EFR3B: variants seen among roughly 807,000 people sequenced by gnomAD.
EFR3B encodes the protein protein EFR3 homolog B.
In EFR3B, 64 loss-of-function variants were observed where a neutral mutation model predicts 104.7. The observed-to-expected ratio is 0.61, with a 90% CI of 0.50 to 0.75. The LOEUF is 0.75. EFR3B is among the 30% of genes least tolerant of loss of function. The pLI is 0.00. For missense variants in EFR3B, 750 were observed against 1,078.5 expected (o/e 0.70, Z 4.27); for synonymous variants, 385 against 417.9 (o/e 0.92, Z 0.96).
At position 25,153,735 on chromosome 2, in the gene EFR3B, C is replaced by T. The variant is rs1383053265; in HGVS notation, c.2322C>T (p.Leu774=). The T allele has an allele frequency of 1.9e-6, 3 of 1,551,668 alleles. No homozygotes were observed. The highest frequency in any genetic ancestry group is 2.6e-6 in the Non-Finnish European group (3 of 1,146,990). Residue 774 remains leucine, a synonymous_variant, in exon 22 of 23, where the codon CTC becomes CTT. Transcript: ENST00000403714. ...AGGCATCGCTGCTCCAGAGCAAACT[C>T]AATCAGATCTTTGAAATCACCATCC... The part of the protein sequence containing the change: ...GARASLLQSK[L]NQIFEITIRP...
intron 1 of EFR3B, among the ~76,000 whole-genome samples, chr2:25,089,419 T>A (rs1669051672): frequency 6.6e-6 from 1 of 152,260 alleles, no homozygotes; most frequent in East Asian, 1.9e-4. Flanking sequence ...GACACTACAA[T>A]TTTTTTAGTC....
chr2:25,055,406 G>A (rs945546707), intron 1 of EFR3B, among the ~76,000 whole-genome samples: 5 of 152,166 alleles, frequency 3.3e-5, no homozygotes, highest in African/African-American at 1.2e-4. Context: ...GTACTCTATA[G>A]TATGTCCTTT....
Position 25,131,919 on chromosome 2 carries a change from G to A in EFR3B, c.1147+8G>A, listed in dbSNP as rs1163343724. On this transcript the variant is annotated splice_region_variant and intron_variant, in intron 10 of 22. Coordinates refer to ENST00000403714, the MANE Select transcript of EFR3B (RefSeq NM_014971.2). The surrounding 1 kb of genome is among the most constrained non-coding windows in gnomAD (Gnocchi z 7.6). ...CCGTCATCAAGACCGTGGGTGCGGCGCGGGGCCGGGCCGGGGCGGGGCGGG... is the reference window on the plus strand; with the variant it reads ...CCGTCATCAAGACCGTGGGTGCGGCACGGGGCCGGGCCGGGGCGGGGCGGG... 13 of 1,495,520 alleles carry A rather than the reference G, an allele frequency of 8.7e-6. No homozygotes were observed. In the South Asian group the frequency reaches 1.0e-4, roughly 12 times the overall value. The allele number at this position is 1,495,520 out of a possible 1,614,324, so 92.6% of individuals were successfully genotyped here. A position where few individuals can be genotyped will look rare whatever the true frequency, so the allele number is the denominator to read the frequency against.
intron 4 of EFR3B, among the ~76,000 whole-genome samples, chr2:25,111,482 CG>C (rs1669724575): frequency 6.6e-6 from 1 of 152,156 alleles, no homozygotes; most frequent in Non-Finnish European, 1.5e-5. Flanking sequence ...CTCTTCCCAC[CG>C]GATGTGCCCT....
intron 1 of EFR3B, among the ~76,000 whole-genome samples, chr2:25,043,376 G>A (rs1288490022): frequency 1.3e-5 from 2 of 152,200 alleles, no homozygotes; most frequent in Non-Finnish European, 2.9e-5. Context: ...GAGGCTGCTC[G>A]GCTGCTCAGC....
intron 4 of EFR3B, among the ~76,000 whole-genome samples, chr2:25,118,929 G>T (rs1669941593): frequency 6.6e-6 from 1 of 152,164 alleles, no homozygotes; most frequent in East Asian, 1.9e-4. Flanking sequence ...TACTAGGGAG[G>T]CTGAGGTGGG....
At chr2:25,089,283 G>A (rs1016238604) in intron 1 of EFR3B, among the ~76,000 whole-genome samples, 2 of 152,268 alleles carry the variant, frequency 1.3e-5, no homozygotes, top group Admixed American at 6.5e-5. Flanking sequence ...AGTTTCTACC[G>A]TGAGTACCCA....
chr2:25,144,457 T>C (rs1226300755), intron 18 of EFR3B, among the ~76,000 whole-genome samples: 2 of 152,156 alleles, frequency 1.3e-5, no homozygotes, highest in East Asian at 1.9e-4. Context: ...AACAGGAGAA[T>C]TGCTTGAACC....
At chr2:25,080,758 C>A in intron 1 of EFR3B, 3 of 1,284,592 alleles carry the variant, frequency 2.3e-6, no homozygotes, top group South Asian at 2.5e-5. Context: ...TTTCTTTTGG[C>A]GTTAGGCTGA....
At chr2:25,110,817 C>T (rs963603158) in intron 4 of EFR3B, among the ~76,000 whole-genome samples, 1 of 152,176 alleles carries the variant, frequency 6.6e-6, no homozygotes, top group Non-Finnish European at 1.5e-5. Context: ...CTAATTTTCC[C>T]CCGTTGTCTG....
chr2:25,068,378 C>T (rs913959485), intron 1 of EFR3B, among the ~76,000 whole-genome samples: 3 of 152,154 alleles, frequency 2.0e-5, no homozygotes, highest in Non-Finnish European at 2.9e-5. Context: ...CAATTTGAAG[C>T]TGACAGACAT....
chr2:25,143,660 TAA>T (rs1298994922), intron 17 of EFR3B, 73 bp from the exon 18 acceptor site: 33 of 1,157,894 alleles, frequency 2.9e-5, no homozygotes, highest in South Asian at 6.6e-5. Flanking sequence ...AACCCTGTCT[TAA>T]AAAAAAAAAT....
chr2:25,057,028 C>T (rs1668040040), intron 1 of EFR3B, among the ~76,000 whole-genome samples: 1 of 152,186 alleles, frequency 6.6e-6, no homozygotes, highest in East Asian at 1.9e-4. Flanking sequence ...TTCTGTCCTG[C>T]AGCTGAGGCA....
chr2:25,148,190 C>T (rs973414953), intron 19 of EFR3B, among the ~76,000 whole-genome samples: 20 of 151,712 alleles, frequency 1.3e-4, no homozygotes, highest in Non-Finnish European at 5.9e-5. Context: ...CTTTTATAGG[C>T]TCTGCAGAGG....
At chr2:25,106,932 GT>G (rs1437362705) in intron 4 of EFR3B, among the ~76,000 whole-genome samples, 1 of 152,198 alleles carries the variant, frequency 6.6e-6, no homozygotes, top group Non-Finnish European at 1.5e-5. Context: ...TGGATAAAAG[GT>G]TTTGCTGCCA....
At chr2:25,058,113 G>C (rs1182152548) in intron 1 of EFR3B, 1 of 152,178 alleles carries the variant, frequency 6.6e-6, no homozygotes, top group South Asian at 2.1e-4. Flanking sequence ...GGAGTTCTGG[G>C]CTGTAGTTCA....
rs1669817302 is a variant in EFR3B at position 25,114,901 on chromosome 2, C to A, written c.364-6772C>A. 6.6e-6 allele frequency among the ~76,000 whole-genome samples: 1 copy of A among 152,150 alleles called. No individual in the cohort carries two copies. Among genetic ancestry groups the A allele is most frequent in the Non-Finnish European group, 1.5e-5 (1 of 68,022 alleles). ...GAGCGGGCACTTAAGGATGCAGGTA[C>A]CTGGCCGGGCGCAGTGGCTGACGCC... is the stretch of plus-strand genomic sequence containing the variant. On this transcript the variant is annotated intron_variant, in intron 4 of 22. Transcript: ENST00000403714. The surrounding 1 kb of genome is among the most constrained non-coding windows in gnomAD (Gnocchi z 4.0).
At chr2:25,081,512 T>G in intron 1 of EFR3B, 1 of 1,236,960 alleles carries the variant, frequency 8.1e-7, no homozygotes, top group Non-Finnish European at 1.2e-6. Flanking sequence ...AATTCCATAC[T>G]CATGTATTCA....
At chr2:25,080,994 T>C (rs1356123287) in intron 1 of EFR3B, 5 of 757,358 alleles carry the variant, frequency 6.6e-6, no homozygotes, top group Non-Finnish European at 1.2e-5. Flanking sequence ...AACAGGTTCT[T>C]TAATTGCATC....
Sources: gnomAD v4.1 joint callset for allele counts (sites outside exome capture counted in the v4.1 genomes callset) on GRCh38, gnomAD v4.1.1 for gene constraint, Gnocchi (gnomAD v3.1) non-coding constraint, MANE v1.5 for transcripts, NCBI Gene and HGNC (gene_info 2026-07-23, HGNC 2026-07-21) for gene names.